The following PLEKHG4B variants were observed in gnomAD, a reference collection of about 807,000 sequenced individuals.
The protein encoded by PLEKHG4B is pleckstrin homology and RhoGEF domain containing G4B, also known as pleckstrin homology domain-containing family G member 4B.
Under a neutral mutation model 121.3 loss-of-function variants are expected in PLEKHG4B, and 111 were observed. That is an observed-to-expected ratio of 0.92 (90% CI 0.78 to 1.07). PLEKHG4B has a LOEUF of 1.07. Among genes scored for constraint, PLEKHG4B ranks in the 50% least tolerant of loss-of-function variants. The pLI is 0.00. For synonymous variants in PLEKHG4B, 738 were observed against 725.0 expected (o/e 1.02, Z -0.29); for missense variants, 1,831 against 1,757.8 (o/e 1.04, Z -0.74).
At chr5:146,436 C>T (rs1478485874) in intron 6 of PLEKHG4B, among the ~76,000 whole-genome samples, 1 of 148,566 alleles carries the variant, frequency 6.7e-6, no homozygotes, top group African/African-American at 2.5e-5. Context: ...CCTCCTCTTC[C>T]CTAACCCTGC....
chr5:167,903 T>TA (rs1168889135), intron 13 of PLEKHG4B, among the ~76,000 whole-genome samples: 1 of 152,150 alleles, frequency 6.6e-6, no homozygotes, highest in Admixed American at 6.5e-5. Flanking sequence ...TTAGTGGTAA[T>TA]AAAAAAATTA....
intron 1 of PLEKHG4B, among the ~76,000 whole-genome samples, chr5:96,108 G>A (rs1049467673): frequency 3.9e-5 from 6 of 152,208 alleles, no homozygotes; most frequent in Non-Finnish European, 8.8e-5. Context: ...TGTGGGTGGT[G>A]GTGTTACAGT....
intron 1 of PLEKHG4B, among the ~76,000 whole-genome samples, chr5:108,133 A>C (rs971457268): frequency 6.6e-6 from 1 of 152,190 alleles, no homozygotes; most frequent in African/African-American, 2.4e-5. Flanking sequence ...AAACCATTTC[A>C]GGGGAGTAAG....
rs1213447829 is a variant in PLEKHG4B at position 113,371 on chromosome 5, G to A, written c.166G>A (p.Gly56Arg). The change falls in exon 2 of 20, where the codon GGG becomes AGG. Residue 56 changes from glycine (G) to arginine (R), a missense_variant. Transcript: ENST00000637938. This position sits in a 1 kb window ranked among gnomAD's most constrained non-coding sequence, Gnocchi z 5.2. ...CAGCGTGGCCGAGAGGTGCCACGGTGGGGACGGGCTGCACTGCCTCACCAG... is the reference window on the plus strand; with the variant it reads ...CAGCGTGGCCGAGAGGTGCCACGGTAGGGACGGGCTGCACTGCCTCACCAG... ...LFSVAERCHG[G>R]DGLHCLTSFL... 1 of 399,140 alleles carries A rather than the reference G, an allele frequency of 2.5e-6. No homozygotes were observed. 24.7% of individuals were successfully genotyped at this position (399,140 alleles called of 1,614,324 possible).
intron 9 of PLEKHG4B, 25 bp downstream of exon 9, chr5:155,468 G>A: frequency 6.3e-7 from 1 of 1,582,260 alleles, no homozygotes; most frequent in Non-Finnish European, 8.7e-7. Context: ...TTGCAGGTAA[G>A]TTCATTTCAT....
chr5:178,399 C>T (rs1207903055), intron 18 of PLEKHG4B, among the ~76,000 whole-genome samples: 1 of 152,206 alleles, frequency 6.6e-6, no homozygotes, highest in African/African-American at 2.4e-5. Flanking sequence ...GTTGTATATC[C>T]TAGCATTTTG....
rs766013263 is a variant in PLEKHG4B, at chr5:163,283, C to A, written c.3211C>A (p.Pro1071Thr). ...SEPTQTLASRPRKHPQKKMIK... is the reference protein window; with the variant it reads ...SEPTQTLASRTRKHPQKKMIK... ...GCCCACCCAGACCCTGGCCAGCCGC[C>A]CCAGGAAACATCCCCAGAAGAAAAT... Residue 1071 changes from proline (P) to threonine (T), a missense_variant, in exon 13 of 20, where the codon CCC becomes ACC. Coordinates refer to ENST00000637938, the MANE Select transcript of PLEKHG4B (RefSeq NM_052909.5). 6.2e-7 allele frequency: 1 copy of A among 1,613,282 alleles called. No individual in the cohort carries two copies. Among genetic ancestry groups the A allele is most frequent in the Non-Finnish European group, 8.5e-7 (1 of 1,180,006 alleles).
chr5:93,994 T>C lies in PLEKHG4B; in HGVS notation c.45+1718T>C, dbSNP rs530355139. 2.6e-5 allele frequency among the ~76,000 whole-genome samples: 4 copies of C among 152,206 alleles called. No individual in the cohort carries two copies. In the East Asian group the frequency reaches 7.7e-4, roughly 29 times the overall value. ...CAAACAGAATGAGTTTGTCCTCTCT[T>C]TGCGTTTGAACAAAAGTCAGGCCAT... On this transcript the variant is annotated intron_variant, in intron 1 of 19. Coordinates refer to ENST00000637938, the MANE Select transcript of PLEKHG4B (RefSeq NM_052909.5).
chr5:126,394 G>T (rs767032660), intron 2 of PLEKHG4B, among the ~76,000 whole-genome samples: 1 of 151,992 alleles, frequency 6.6e-6, no homozygotes, highest in Admixed American at 6.6e-5. Context: ...TAATATCTTT[G>T]TTGATATTTT....
intron 18 of PLEKHG4B, among the ~76,000 whole-genome samples, chr5:180,013 G>A (rs535723641): frequency 5.3e-5 from 8 of 152,152 alleles, no homozygotes; most frequent in South Asian, 4.2e-4. Flanking sequence ...TTACCTCCAC[G>A]GCCTGTCTGA....
At chr5:92,810 A>G (rs1384078532) in intron 1 of PLEKHG4B, among the ~76,000 whole-genome samples, 1 of 152,084 alleles carries the variant, frequency 6.6e-6, no homozygotes, top group Non-Finnish European at 1.5e-5. Flanking sequence ...GGGACAGAAC[A>G]GTGATCTGTG....
At chr5:132,002 A>C (rs1734794237) in intron 2 of PLEKHG4B, among the ~76,000 whole-genome samples, 1 of 152,228 alleles carries the variant, frequency 6.6e-6, no homozygotes, top group Non-Finnish European at 1.5e-5. Flanking sequence ...CCCTAGGAAT[A>C]AAAGGAAACT....
rs1736246895 is a variant in PLEKHG4B, at chr5:164,950, T to TCACAC, written c.3476+1402_3476+1403insCACAC. ...CACTAATGCTGTGACGGGGCGGGGCTTACACACTAATGCTCTGACGGGGCG... is the reference window on the plus strand; with the variant it reads ...CACTAATGCTGTGACGGGGCGGGGCTCACACTACACACTAATGCTCTGACGGGGCG... On this transcript the variant is annotated intron_variant, in intron 13 of 19. Coordinates refer to ENST00000637938, the MANE Select transcript of PLEKHG4B (RefSeq NM_052909.5). Among the ~76,000 whole-genome samples, 2 of 34,644 alleles carry TCACAC rather than the reference T, an allele frequency of 5.8e-5. 1 individual carries two copies. The highest frequency in any genetic ancestry group is 1.3e-4 in the Non-Finnish European group (2 of 15,692). 22.7% of individuals were successfully genotyped at this position (34,644 alleles called of 152,430 possible).
At chr5:117,158 C>G (rs1734330541) in intron 2 of PLEKHG4B, among the ~76,000 whole-genome samples, 1 of 152,096 alleles carries the variant, frequency 6.6e-6, no homozygotes, top group African/African-American at 2.4e-5. Context: ...ACTTAATAAG[C>G]ACAACACAAA....
chr5:176,431 AC>A (rs1343428891), intron 18 of PLEKHG4B, among the ~76,000 whole-genome samples: 3 of 152,178 alleles, frequency 2.0e-5, no homozygotes, highest in African/African-American at 7.2e-5. Context: ...AGAAAATAGA[AC>A]TAAGTTGATT....
rs202077961 is a variant in PLEKHG4B at position 121,256 on chromosome 5, AG to A, written c.243+7809del. 6.0e-3 allele frequency among the ~76,000 whole-genome samples: 909 copies of A among 150,986 alleles called. 5 individuals are homozygous for A. The highest frequency in any genetic ancestry group is 0.015 in the African/African-American group (615 of 41,058). On this transcript the variant is annotated intron_variant, in intron 2 of 19. Transcript: ENST00000637938. ...AGTGAGACTCCGTCTAAAAAAAAAA[AG>A]AAAAAGAAAATGGAAATCTCCAAAC...
At chr5:107,678 C>T (rs983884454) in intron 1 of PLEKHG4B, among the ~76,000 whole-genome samples, 17 of 152,202 alleles carry the variant, frequency 1.1e-4, no homozygotes, top group African/African-American at 2.7e-4. Flanking sequence ...CCCTGGAGGA[C>T]GGGGGTTGCC....
chr5:171,085 C>A lies in PLEKHG4B; in HGVS notation c.3772C>A (p.Pro1258Thr). Residue 1258 changes from proline (P) to threonine (T), a missense_variant, in exon 15 of 20, where the codon CCG becomes ACG. By Grantham distance (38) the Pro-to-Thr change is conservative. Transcript: ENST00000637938. ...GTACGTGATCTACAGCAAAAACAAG[C>A]CGCAGTCGGATGCCCTGCTCAGCAG... ...GMYVIYSKNKPQSDALLSSHG... is the reference protein window; with the variant it reads ...GMYVIYSKNKTQSDALLSSHG... 6.2e-7 allele frequency: 1 copy of A among 1,613,400 alleles called. No individual in the cohort carries two copies. Among genetic ancestry groups the A allele is most frequent in the East Asian group, 2.2e-5 (1 of 44,860 alleles).
Position 159,548 on chromosome 5 carries a change from C to T in PLEKHG4B, c.2488-2235C>T, listed in dbSNP as rs1357255923. Among the ~76,000 whole-genome samples, 2 of 152,168 alleles carry T rather than the reference C, an allele frequency of 1.3e-5. No individual in the cohort carries two copies. The highest frequency in any genetic ancestry group is 4.8e-5 in the African/African-American group (2 of 41,428). ...TTTTGTTTCTGCTCTTGCTTTTTAA[C>T]TCCATGGGCTTATTTTCTGAACAGT... On this transcript the variant is annotated intron_variant, in intron 11 of 19. Transcript: ENST00000637938. The surrounding 1 kb of genome is among the most constrained non-coding windows in gnomAD (Gnocchi z 5.5).
Sources: gnomAD v4.1 joint callset for allele counts (sites outside exome capture counted in the v4.1 genomes callset) on GRCh38, gnomAD v4.1.1 for gene constraint, Gnocchi (gnomAD v3.1) non-coding constraint, MANE v1.5 for transcripts, NCBI Gene and HGNC (gene_info 2026-07-23, HGNC 2026-07-21) for gene names.